Variants in KLF13 observed in about 807,000 individuals in gnomAD.
KLF13 encodes the protein KLF transcription factor 13, also known as Krueppel-like factor 13.
Under a neutral mutation model 16.7 loss-of-function variants are expected in KLF13, and 8 were observed. The observed-to-expected ratio is 0.48, with a 90% confidence interval of 0.28 to 0.87. KLF13 has a LOEUF of 0.87. Ranked by LOEUF, KLF13 falls within the 40% of genes least tolerant of loss-of-function variation. The probability of loss-of-function intolerance (pLI) is 0.10; values close to 1 mark genes in which losing one functional copy is unlikely to be tolerated. For synonymous variants in KLF13, 245 were observed against 208.4 expected (o/e 1.18, Z -1.51); for missense variants, 447 against 452.2 (o/e 0.99, Z 0.10).
At chr15:31,352,998 C>G (rs1015832218) in intron 1 of KLF13, among the ~76,000 whole-genome samples, 7 of 152,192 alleles carry the variant, frequency 4.6e-5, no homozygotes, top group African/African-American at 1.4e-4. Flanking sequence ...GCTGTGGGCT[C>G]TGTTGATGCC....
At chr15:31,360,310 C>T (rs1464491704) in intron 1 of KLF13, among the ~76,000 whole-genome samples, 1 of 152,190 alleles carries the variant, frequency 6.6e-6, no homozygotes, top group Non-Finnish European at 1.5e-5. Flanking sequence ...GGCTTTGTCT[C>T]CTGAGAAGAG....
intron 1 of KLF13, among the ~76,000 whole-genome samples, chr15:31,428,521 G>A (rs1373512651): frequency 6.6e-6 from 1 of 151,886 alleles, no homozygotes. Flanking sequence ...AAATGCCAAG[G>A]ACCGGCCGCG....
exon 3 of KLF13, chr15:31,404,673 A>C (rs983327927): frequency 6.6e-6 from 1 of 152,272 alleles, no homozygotes; most frequent in South Asian, 2.1e-4. Context: ...CTGGGTCCCC[A>C]TCCCTGTTGT....
intron 1 of KLF13, among the ~76,000 whole-genome samples, chr15:31,367,928 A>G (rs2039501420): frequency 6.6e-6 from 1 of 152,148 alleles, no homozygotes; most frequent in Admixed American, 6.5e-5. Flanking sequence ...ACAGTTCCAG[A>G]AATCAAGGTG....
At chr15:31,337,831 G>A (rs546533187) in intron 1 of KLF13, among the ~76,000 whole-genome samples, 5 of 152,300 alleles carry the variant, frequency 3.3e-5, no homozygotes, top group African/African-American at 9.6e-5. Flanking sequence ...TTTGCTGCTT[G>A]GCCTAAGGTG....
intron 1 of KLF13, among the ~76,000 whole-genome samples, chr15:31,355,646 G>A (rs1000063088): frequency 5.9e-5 from 9 of 152,132 alleles, no homozygotes; most frequent in Non-Finnish European, 1.2e-4. Flanking sequence ...AGCGCCTGCA[G>A]GCACCCTTCT....
At chr15:31,341,474 GAAAC>G (rs1439993776) in intron 1 of KLF13, among the ~76,000 whole-genome samples, 1 of 147,842 alleles carries the variant, frequency 6.8e-6, no homozygotes, top group Admixed American at 6.8e-5. Context: ...CTTTTGAAAA[GAAAC>G]AGACACATAG....
chr15:31,424,128 G>A (rs1415584716), intron 1 of KLF13, among the ~76,000 whole-genome samples: 1 of 151,914 alleles, frequency 6.6e-6, no homozygotes, highest in Non-Finnish European at 1.5e-5. Flanking sequence ...CCCAGGACCA[G>A]GTGGCTTCAC....
intron 1 of KLF13, among the ~76,000 whole-genome samples, chr15:31,350,187 C>G (rs1024970476): frequency 2.0e-5 from 3 of 152,242 alleles, no homozygotes; most frequent in African/African-American, 4.8e-5. Context: ...CAGCCAGGGT[C>G]TGCCGCAGTT....
chr15:31,412,539 TAAAC>T (rs1326363194), intron 1 of KLF13, among the ~76,000 whole-genome samples: 2 of 152,080 alleles, frequency 1.3e-5, no homozygotes, highest in Non-Finnish European at 2.9e-5. Context: ...ACAAGTTTAA[TAAAC>T]AAAAATTAAT....
At chr15:31,380,915 T>C (rs1012765800), downstream of KLF13, among the ~76,000 whole-genome samples, 3 of 152,206 alleles carry the variant, frequency 2.0e-5, no homozygotes, top group Admixed American at 1.3e-4. Flanking sequence ...GGCTTATGCC[T>C]GTAATCCCAG....
At position 31,433,969 on chromosome 15, in the gene KLF13, C is replaced by T. The variant is rs556627258; in HGVS notation, n.118-1401C>T. 2.6e-5 allele frequency among the ~76,000 whole-genome samples: 4 copies of T among 152,334 alleles called. No individual in the cohort carries two copies. In the South Asian group the frequency reaches 6.2e-4, roughly 24 times the overall value. On this transcript the variant is annotated intron_variant and non_coding_transcript_variant, in intron 1 of 1. Transcript: ENST00000558225. Reference sequence around the variant, plus strand: ...GACCACCAGGAGACACCACCCCTCACATTTCTTTTTTGAGCACCTGCCAGA... The same window carrying T: ...GACCACCAGGAGACACCACCCCTCATATTTCTTTTTTGAGCACCTGCCAGA...
intron 1 of KLF13, among the ~76,000 whole-genome samples, chr15:31,384,338 A>C (rs144012057): frequency 6.6e-6 from 1 of 152,204 alleles, no homozygotes; most frequent in African/African-American, 2.4e-5. Flanking sequence ...AGGCTGAGGC[A>C]GGAGAATGGC....
chr15:31,348,965 A>G (rs1438790857), intron 1 of KLF13, among the ~76,000 whole-genome samples: 1 of 152,108 alleles, frequency 6.6e-6, no homozygotes, highest in Non-Finnish European at 1.5e-5. Flanking sequence ...TACTAATCCC[A>G]TAAGGAGGGC....
intron 1 of KLF13, among the ~76,000 whole-genome samples, chr15:31,358,434 G>T (rs1477921484): frequency 6.6e-6 from 1 of 152,198 alleles, no homozygotes; most frequent in Non-Finnish European, 1.5e-5. Context: ...CAGTGTTTTG[G>T]ATTTTAACCA....
chr15:31,423,085 A>ATATACGTATATATATGTATATG (rs2040348701), intron 1 of KLF13, among the ~76,000 whole-genome samples: 4 of 140,248 alleles, frequency 2.9e-5, no homozygotes, highest in Admixed American at 7.2e-5. Context: ...AATTACATAT[A>ATATACGTATATATATGTATATG]TATACGTATA....
chr15:31,360,641 G>T (rs2039368462), intron 1 of KLF13, among the ~76,000 whole-genome samples: 1 of 152,150 alleles, frequency 6.6e-6, no homozygotes, highest in African/African-American at 2.4e-5. Context: ...GGGTCTGGAG[G>T]TTCCTAGCAG....
chr15:31,405,807 T>C (rs2040121032), downstream of KLF13, among the ~76,000 whole-genome samples: 1 of 152,118 alleles, frequency 6.6e-6, no homozygotes, highest in Non-Finnish European at 1.5e-5. Flanking sequence ...AAGTCTTATC[T>C]TTCATCTGTG....
chr15:31,410,617 ACACACACAC>A (rs1566842478), intron 1 of KLF13, among the ~76,000 whole-genome samples: 1 of 106,750 alleles, frequency 9.4e-6, no homozygotes. Context: ...ACACACACAC[ACACACACAC>A]CCCTATAACA....
Sources: allele counts gnomAD v4.1 joint callset (sites outside exome capture counted in the v4.1 genomes callset), GRCh38; gene constraint gnomAD v4.1.1; transcripts MANE v1.5; gene names NCBI Gene and HGNC (gene_info 2026-07-23, HGNC 2026-07-21).